The following GNA14 variants were observed in gnomAD, a reference collection of about 807,000 sequenced individuals.
The protein encoded by GNA14 is G protein subunit alpha 14.
In GNA14, 50 loss-of-function variants were observed where a neutral mutation model predicts 42.0. That is an observed-to-expected ratio of 1.19 (90% CI 0.95 to 1.51). The LOEUF is 1.51. GNA14 is among the 40% of genes most tolerant of loss of function. The pLI, the probability that GNA14 is intolerant of heterozygous loss-of-function variation, is 0.00. For synonymous variants in GNA14, 173 were observed against 163.1 expected (o/e 1.06, Z -0.46); for missense variants, 473 against 446.2 (o/e 1.06, Z -0.54).
chr9:77,586,740 A>T (rs1216244564), intron 1 of GNA14, among the ~76,000 whole-genome samples: 1 of 152,216 alleles, frequency 6.6e-6, no homozygotes, highest in Middle Eastern at 3.2e-3. Flanking sequence ...TGCGTGAAGA[A>T]GCTGGCCACC....
chr9:77,498,624 C>T (rs565925460), intron 2 of GNA14, among the ~76,000 whole-genome samples: 26 of 152,208 alleles, frequency 1.7e-4, no homozygotes, highest in African/African-American at 3.9e-4. Flanking sequence ...GGGCACAGGA[C>T]GCACTTAGAC....
At chr9:77,453,423 G>A (rs909462961) in intron 2 of GNA14, among the ~76,000 whole-genome samples, 4 of 152,124 alleles carry the variant, frequency 2.6e-5, no homozygotes, top group African/African-American at 4.8e-5. Flanking sequence ...GTACTCCCAC[G>A]TGCCTAGAAT....
chr9:77,580,572 T>G (rs973079572), intron 1 of GNA14: 3 of 508,574 alleles, frequency 5.9e-6, no homozygotes, highest in Non-Finnish European at 1.2e-5. Flanking sequence ...AGAATATCAG[T>G]GAAGCTTGGG....
chr9:77,431,850 G>A (rs544698011), intron 3 of GNA14, among the ~76,000 whole-genome samples: 13 of 152,222 alleles, frequency 8.5e-5, no homozygotes, highest in Non-Finnish European at 1.9e-4. Context: ...TTGTCCAAGA[G>A]CATTATATAA....
At chr9:77,453,321 A>G (rs1835947511) in intron 2 of GNA14, among the ~76,000 whole-genome samples, 1 of 152,152 alleles carries the variant, frequency 6.6e-6, no homozygotes, top group Non-Finnish European at 1.5e-5. Context: ...TGAGCAGTAA[A>G]CGCTACTCTT....
chr9:77,625,614 A>T (rs1824001208), intron 1 of GNA14, among the ~76,000 whole-genome samples: 1 of 152,212 alleles, frequency 6.6e-6, no homozygotes, highest in South Asian at 2.1e-4. Flanking sequence ...TTCAACCCAG[A>T]ATTTCATATC....
At chr9:77,583,040 C>T (rs765800240) in intron 1 of GNA14, among the ~76,000 whole-genome samples, 3 of 152,206 alleles carry the variant, frequency 2.0e-5, no homozygotes, top group Non-Finnish European at 4.4e-5. Context: ...GTCGGTCAAA[C>T]TGCAAATATA....
intron 2 of GNA14, among the ~76,000 whole-genome samples, chr9:77,476,637 T>C (rs889052604): frequency 1.3e-5 from 2 of 152,180 alleles, no homozygotes; most frequent in Admixed American, 1.3e-4. Flanking sequence ...AATAAAATGA[T>C]AGGATAGTAG....
intron 1 of GNA14, among the ~76,000 whole-genome samples, chr9:77,597,239 C>G (rs1378068664): frequency 6.6e-6 from 1 of 152,178 alleles, no homozygotes; most frequent in African/African-American, 2.4e-5. Flanking sequence ...TCCTCAGGAC[C>G]TAACTTGACC....
chr9:77,457,548 G>A (rs930173858), intron 2 of GNA14, among the ~76,000 whole-genome samples: 1 of 152,202 alleles, frequency 6.6e-6, no homozygotes, highest in Non-Finnish European at 1.5e-5. Flanking sequence ...ACCGGAGTGT[G>A]AGAAAGCAGC....
intron 1 of GNA14, among the ~76,000 whole-genome samples, chr9:77,578,262 G>T (rs62573430): frequency 0.032 from 4,922 of 152,264 alleles, 175 homozygotes; most frequent in African/African-American, 0.092. Context: ...GTGATGGAGT[G>T]AGACTCCGTC....
chr9:77,456,803 T>C (rs1035942671), intron 2 of GNA14, among the ~76,000 whole-genome samples: 2 of 152,142 alleles, frequency 1.3e-5, no homozygotes, highest in African/African-American at 4.8e-5. Flanking sequence ...GAAAATATTA[T>C]AGTAAAAATA....
intron 1 of GNA14, among the ~76,000 whole-genome samples, chr9:77,613,158 C>T (rs947835451): frequency 1.3e-5 from 2 of 152,146 alleles, no homozygotes; most frequent in Admixed American, 6.5e-5. Context: ...ATCTCCATGA[C>T]GTTATCTAAC....
At chr9:77,465,575 T>A (rs554894929) in intron 2 of GNA14, among the ~76,000 whole-genome samples, 32 of 152,334 alleles carry the variant, frequency 2.1e-4, no homozygotes, top group Admixed American at 2.0e-3. Context: ...CAAACTATTC[T>A]AAAGCAGTTG....
intron 2 of GNA14, among the ~76,000 whole-genome samples, chr9:77,506,283 TAAA>T (rs199978059): frequency 6.3e-5 from 8 of 126,780 alleles, no homozygotes; most frequent in Admixed American, 8.1e-5. Flanking sequence ...CCCTGTCTCT[TAAA>T]AAAAAAAAAA....
intron 2 of GNA14, among the ~76,000 whole-genome samples, chr9:77,494,114 G>C (rs1276355223): frequency 6.6e-6 from 1 of 151,914 alleles, no homozygotes; most frequent in East Asian, 1.9e-4. Context: ...GTAGAGACGG[G>C]GTTTCACCAC....
intron 1 of GNA14, among the ~76,000 whole-genome samples, chr9:77,630,148 C>A (rs1824075640): frequency 6.6e-6 from 1 of 150,956 alleles, no homozygotes; most frequent in Non-Finnish European, 1.5e-5. Flanking sequence ...ACTCTGTCAC[C>A]TAGGTTGGAG....
chr9:77,634,436 GAAGGAAGGAAGCGAAAGGAAAGGA>G (rs1377940394), intron 1 of GNA14, among the ~76,000 whole-genome samples: 1 of 146,970 alleles, frequency 6.8e-6, no homozygotes, highest in African/African-American at 2.5e-5. Context: ...AAAAAAAAAG[GAAGGAAGGAAGCGAAAGGAAAGGA>G]AAGGAAGGAG....
At chr9:77,625,425 C>G (rs1009557073) in intron 1 of GNA14, among the ~76,000 whole-genome samples, 6 of 151,978 alleles carry the variant, frequency 3.9e-5, no homozygotes, top group African/African-American at 1.5e-4. Flanking sequence ...AGAAGAGCAA[C>G]CCCAAGACAG....
Sources: allele counts gnomAD v4.1 joint callset (sites outside exome capture counted in the v4.1 genomes callset), GRCh38; gene constraint gnomAD v4.1.1; transcripts MANE v1.5; gene names NCBI Gene and HGNC (gene_info 2026-07-23, HGNC 2026-07-21).